GSDMB: variants seen among roughly 807,000 people sequenced by gnomAD.
The protein encoded by GSDMB is gasdermin B, also known as gasdermin-B.
A neutral mutation model predicts 42.9 loss-of-function variants in GSDMB; 32 were observed. The ratio of observed to expected loss-of-function variants is 0.75; its 90% confidence interval spans 0.56 to 1.00. The LOEUF is 1.00. GSDMB is among the 50% of genes least tolerant of loss of function. The probability of loss-of-function intolerance (pLI) is 0.00; values close to 1 mark genes in which losing one functional copy is unlikely to be tolerated. For synonymous variants in GSDMB, 175 were observed against 193.7 expected (o/e 0.90, Z 0.80); for missense variants, 468 against 498.5 (o/e 0.94, Z 0.58).
At chr17:39,917,547 G>A in intron 1 of GSDMB, 1 of 496,812 alleles carries the variant, frequency 2.0e-6, no homozygotes, top group South Asian at 2.1e-5. Flanking sequence ...CCACCATTGT[G>A]ATTTGTTCCT....
chr17:39,916,280 A>ATT lies in GSDMB; in HGVS notation c.235+800_235+801dup, dbSNP rs3076832. On this transcript the variant is annotated intron_variant, in intron 2 of 10. Coordinates refer to ENST00000418519, the MANE Select transcript of GSDMB (RefSeq NM_001165958.2). ...GATTCACGTAATTTGTTCTCATTTG[A>ATT]TTTTTTTTTTTTTTTTTTTTGAGAC... Among the ~76,000 whole-genome samples the ATT allele has an allele frequency of 6.1e-3, 723 of 119,088 alleles. 30 individuals carry two copies. Among genetic ancestry groups the ATT allele is most frequent in the African/African-American group, 0.017 (511 of 30,280 alleles). 78.1% of individuals were successfully genotyped at this position (119,088 alleles called of 152,430 possible). A position where few individuals can be genotyped will look rare whatever the true frequency, so the allele number is the denominator to read the frequency against.
rs2063472836 is a variant in GSDMB at position 39,904,766 on chromosome 17, G to T, written c.*46C>A. 3.2e-6 allele frequency: 5 copies of T among 1,574,272 alleles called. No individual in the cohort carries two copies. The highest frequency in any genetic ancestry group is 1.7e-4 in the Middle Eastern group (1 of 5,872). On this transcript the variant is annotated 3_prime_UTR_variant, in exon 11 of 11. Coordinates refer to ENST00000418519, the MANE Select transcript of GSDMB (RefSeq NM_001165958.2). The stretch of plus-strand genomic sequence containing the variant: ...TGGCGATGGCAGTGAGGACAGACTG[G>T]TAAAGGGAAAACCCAGAGGCTTGTG...
Position 39,906,119 on chromosome 17 carries a change from C to G in GSDMB, c.880G>C (p.Glu294Gln), listed in dbSNP as rs370598352. ...TTCTTAGGGTCCCTTACTCTTTGCT[C>G]TAGATCCTGCCGAATATCCTCCTTG... ...LGKEDIRQDLEQRVSEVLISG... is the reference protein window; with the variant it reads ...LGKEDIRQDLQQRVSEVLISG... The change falls in exon 8 of 11, where the codon GAG (glutamate) becomes CAG (glutamine). Residue 294 changes from glutamate (E) to glutamine (Q), a missense_variant. Coordinates refer to ENST00000418519, the MANE Select transcript of GSDMB (RefSeq NM_001165958.2). The G allele has an allele frequency of 6.2e-7, 1 of 1,614,196 alleles. No individual in the cohort carries two copies. Among genetic ancestry groups the G allele is most frequent in the Non-Finnish European group, 8.5e-7 (1 of 1,180,042 alleles).
chr17:39,909,105 C>T (rs1329226238), intron 4 of GSDMB, 63 bp from the exon 5 acceptor site: 1 of 941,344 alleles, frequency 1.1e-6, no homozygotes, highest in South Asian at 1.5e-5. Flanking sequence ...CTTGCCTGAT[C>T]TCCCAAACAA....
intron 2 of GSDMB, among the ~76,000 whole-genome samples, chr17:39,916,382 AAGCAATTCTCTTGCCTC>A (rs2063711427): frequency 6.7e-6 from 1 of 148,244 alleles, no homozygotes; most frequent in Non-Finnish European, 1.5e-5. Flanking sequence ...TCCCGGGTTC[AAGCAATTCTCTTGCCTC>A]AGCCTCCTGA....
At chr17:39,910,727 C>G (rs1347520500) in intron 3 of GSDMB, among the ~76,000 whole-genome samples, 1 of 152,166 alleles carries the variant, frequency 6.6e-6, no homozygotes, top group Admixed American at 6.5e-5. Flanking sequence ...GGGGGAAACT[C>G]ATGTTGAGAC....
chr17:39,917,031 C>A (rs1046632413), intron 2 of GSDMB, 51 bp downstream of exon 2: 4 of 1,185,632 alleles, frequency 3.4e-6, no homozygotes. Flanking sequence ...AGATGGAGTA[C>A]AAACGGTCAA....
chr17:39,911,961 C>CA (rs1005542641), intron 3 of GSDMB, among the ~76,000 whole-genome samples: 42 of 146,206 alleles, frequency 2.9e-4, no homozygotes, highest in South Asian at 1.5e-3. Context: ...AAAAACCAAA[C>CA]AAAAAAAAAA....
At chr17:39,907,143 A>G (rs1302583569) in intron 6 of GSDMB, 156 bp from the exon 7 acceptor site, 4 of 1,473,394 alleles carry the variant, frequency 2.7e-6, no homozygotes, top group Non-Finnish European at 2.7e-6. Context: ...GTCAATGGGA[A>G]AGCACTGTAT....
chr17:39,914,641 T>C (rs1304852349), intron 2 of GSDMB, among the ~76,000 whole-genome samples: 1 of 150,688 alleles, frequency 6.6e-6, no homozygotes, highest in Non-Finnish European at 1.5e-5. Context: ...CAGGCACCTA[T>C]AATCCCAGCT....
Position 39,904,747 on chromosome 17 carries a change from T to A in GSDMB, c.*65A>T. Reference sequence around the variant, plus strand: ...ACTGGTGACAGGATGGTAGTGGCGATGGCAGTGAGGACAGACTGGTAAAGG... The same window carrying A: ...ACTGGTGACAGGATGGTAGTGGCGAAGGCAGTGAGGACAGACTGGTAAAGG... On this transcript the variant is annotated 3_prime_UTR_variant, in exon 11 of 11. Transcript: ENST00000418519. The A allele has an allele frequency of 7.4e-7, 1 of 1,359,012 alleles. No homozygotes were observed. The highest frequency in any genetic ancestry group is 2.3e-5 in the East Asian group (1 of 43,420). The allele number at this position is 1,359,012 out of a possible 1,614,324, so 84.2% of individuals were successfully genotyped here.
intron 4 of GSDMB, among the ~76,000 whole-genome samples, 193 bp from the exon 5 acceptor site, chr17:39,909,235 C>G (rs1000715347): frequency 6.6e-6 from 1 of 152,206 alleles, no homozygotes; most frequent in African/African-American, 2.4e-5. Context: ...TTTGAACCCA[C>G]GTCTGATGCC....
intron 7 of GSDMB, chr17:39,906,689 A>AT: frequency 8.5e-7 from 1 of 1,170,040 alleles, no homozygotes; most frequent in African/African-American, 1.5e-5. Flanking sequence ...TGTCCAGGCC[A>AT]CACCCCCACA....
chr17:39,917,519 G>A (rs2063734845), intron 1 of GSDMB, 189 bp from the exon 2 acceptor site: 1 of 555,952 alleles, frequency 1.8e-6, no homozygotes, highest in African/African-American at 1.9e-5. Flanking sequence ...AATGAAAATA[G>A]CCTTAACTGA....
At chr17:39,905,593 CAG>C in intron 9 of GSDMB, 97 bp from the exon 10 acceptor site, 1 of 1,077,016 alleles carries the variant, frequency 9.3e-7, no homozygotes, top group Middle Eastern at 2.0e-4. Flanking sequence ...CAAAAGGTTC[CAG>C]AGAGCCCCTG....
chr17:39,907,597 G>C (rs1231639857), intron 6 of GSDMB: 10 of 152,402 alleles, frequency 6.6e-5, no homozygotes, highest in Admixed American at 6.5e-4. Flanking sequence ...GCGTGGTGGA[G>C]GGCACCTGTA....
chr17:39,910,957 T>C (rs1568103742), intron 3 of GSDMB, among the ~76,000 whole-genome samples: 2 of 152,164 alleles, frequency 1.3e-5, no homozygotes, highest in African/African-American at 4.8e-5. Context: ...GGAGGGGTAA[T>C]TCAAAGGACC....
intron 7 of GSDMB, 91 bp from the exon 8 acceptor site, chr17:39,906,362 C>A (rs972279701): frequency 1.0e-5 from 13 of 1,251,826 alleles, no homozygotes; most frequent in Non-Finnish European, 1.3e-5. Context: ...CTTCTGGAGA[C>A]CACCTCTTTG....
At chr17:39,908,351 GT>G (rs1460319411) in intron 5 of GSDMB, 137 bp from the exon 6 acceptor site, 1 of 577,640 alleles carries the variant, frequency 1.7e-6, no homozygotes, top group Non-Finnish European at 3.1e-6. Context: ...AAAGACAACT[GT>G]TTTTTGTTTT....
Sources: allele counts gnomAD v4.1 joint callset (sites outside exome capture counted in the v4.1 genomes callset), GRCh38; gene constraint gnomAD v4.1.1; transcripts MANE v1.5; gene names NCBI Gene and HGNC (gene_info 2026-07-23, HGNC 2026-07-21).